WWTR1: variants seen among roughly 807,000 people sequenced by gnomAD.
WWTR1 encodes WW domain-containing transcription regulator protein 1.
In WWTR1, 13 loss-of-function variants were observed where a neutral mutation model predicts 40.1. That is an observed-to-expected ratio of 0.32 (90% CI 0.21 to 0.52). WWTR1 has a LOEUF of 0.52. Ranked by LOEUF, WWTR1 falls within the 20% of genes least tolerant of loss-of-function variation. The probability of loss-of-function intolerance (pLI) is 0.97; values close to 1 mark genes in which losing one functional copy is unlikely to be tolerated. For synonymous variants in WWTR1, 230 were observed against 210.1 expected (o/e 1.09, Z -0.82); for missense variants, 436 against 523.1 (o/e 0.83, Z 1.63).
chr3:149,572,478 T>C (rs1464414580), intron 3 of WWTR1, among the ~76,000 whole-genome samples: 1 of 152,034 alleles, frequency 6.6e-6, no homozygotes, highest in Non-Finnish European at 1.5e-5. Flanking sequence ...AGGTCAGAAC[T>C]GTAGTTTAAA....
chr3:149,520,846 A>T lies in WWTR1; in HGVS notation c.1162T>A (p.Ser388Thr). ...DLIPLFNDVE[S>T]ALNKSEPFLT... ...AAGGGCTCACTTTTGTTCAGAGCAG[A>T]CTCTACATCATTGAAGAGGGGGATC... is the stretch of plus-strand genomic sequence containing the variant. Residue 388 changes from serine to threonine, a missense_variant, in exon 7 of 7, where the codon TCT becomes ACT. Physicochemically the swap from Ser to Thr is moderately conservative, Grantham distance 58 (BLOSUM62 1). Transcript: ENST00000360632. 1.9e-6 allele frequency: 3 copies of T among 1,612,184 alleles called. No homozygotes were observed. Among genetic ancestry groups the T allele is most frequent in the Non-Finnish European group, 2.5e-6 (3 of 1,179,372 alleles).
intron 2 of WWTR1, among the ~76,000 whole-genome samples, chr3:149,605,260 A>G (rs1160103039): frequency 6.6e-6 from 1 of 152,214 alleles, no homozygotes; most frequent in Non-Finnish European, 1.5e-5. Flanking sequence ...CACTTTGGCC[A>G]CAGCATGAGA....
intron 2 of WWTR1, among the ~76,000 whole-genome samples, chr3:149,648,446 A>AAC (rs1056071141): frequency 1.2e-4 from 18 of 152,134 alleles, no homozygotes; most frequent in African/African-American, 4.1e-4. Context: ...AACAAAACAA[A>AAC]AAAAAAACAG....
At position 149,539,567 on chromosome 3, in the gene WWTR1, AGTT is replaced by A. The variant is rs202208267; in HGVS notation, c.771+2765_771+2767del. Reference sequence around the variant, plus strand: ...TCCACTGAGCAAGGGATATTCAGGCAGTTGTTGACTACCCAGGACATAGGGGTA... The same window carrying A: ...TCCACTGAGCAAGGGATATTCAGGCAGTTGACTACCCAGGACATAGGGGTA... On this transcript the variant is annotated intron_variant, in intron 4 of 6. Coordinates refer to ENST00000360632, the MANE Select transcript of WWTR1 (RefSeq NM_015472.6). Among the ~76,000 whole-genome samples, 1,469 of 152,322 alleles carry A rather than the reference AGTT, an allele frequency of 9.6e-3. 32 individuals carry two copies. The highest frequency in any genetic ancestry group is 0.034 in the African/African-American group (1,395 of 41,564).
intron 2 of WWTR1, among the ~76,000 whole-genome samples, chr3:149,607,189 C>T (rs140300437): frequency 1.3e-5 from 2 of 152,122 alleles, no homozygotes; most frequent in Non-Finnish European, 2.9e-5. Context: ...TTTTAGTATT[C>T]ATTGAATAAA....
upstream of WWTR1, chr3:149,658,425 G>C (rs892993503): frequency 6.6e-6 from 1 of 152,374 alleles, no homozygotes; most frequent in African/African-American, 2.4e-5. Flanking sequence ...GCCTAGGAAG[G>C]GCCGGTCCTG....
At chr3:149,675,491 A>T (rs979324395) in intron 1 of WWTR1, among the ~76,000 whole-genome samples, 1 of 152,184 alleles carries the variant, frequency 6.6e-6, no homozygotes, top group Admixed American at 6.5e-5. Flanking sequence ...GTCTTTGATC[A>T]TGTTTTTCAG....
chr3:149,560,211 G>A (rs781218628), intron 3 of WWTR1, among the ~76,000 whole-genome samples: 3 of 152,210 alleles, frequency 2.0e-5, no homozygotes, highest in Non-Finnish European at 4.4e-5. Flanking sequence ...TGCCTCAGGC[G>A]AAAGCCATCT....
intron 4 of WWTR1, among the ~76,000 whole-genome samples, chr3:149,532,967 C>T (rs754237668): frequency 6.6e-6 from 1 of 152,250 alleles, no homozygotes; most frequent in Admixed American, 6.5e-5. Flanking sequence ...AAGGCCTCTG[C>T]CGCTGAGCAT....
Position 149,519,818 on chromosome 3 carries a change from C to T in WWTR1, c.*987G>A, listed in dbSNP as rs1734957727. 1 of 152,170 alleles carries T rather than the reference C, an allele frequency of 6.6e-6. No individual in the cohort carries two copies. 9.4% of individuals were successfully genotyped at this position (152,170 alleles called of 1,614,324 possible). ...ATTAGCCGGACGTGGTGGCAGGTGC[C>T]TGTAATCCCAGCTACTCGGGAGGCT... On this transcript the variant is annotated 3_prime_UTR_variant, in exon 7 of 7. Transcript: ENST00000360632.
chr3:149,572,729 C>T (rs1017033707), intron 3 of WWTR1, 135 bp downstream of exon 3: 30 of 1,070,092 alleles, frequency 2.8e-5, no homozygotes, highest in Admixed American at 7.9e-5. Context: ...TGCCTGTTAT[C>T]GCAGCACTTT....
At chr3:149,680,768 G>A (rs1005304802) in intron 1 of WWTR1, among the ~76,000 whole-genome samples, 30 of 152,116 alleles carry the variant, frequency 2.0e-4, no homozygotes, top group African/African-American at 7.2e-4. Flanking sequence ...CTTGAGCCCA[G>A]GAGTTTGGGG....
chr3:149,614,044 G>A (rs1739856998), intron 2 of WWTR1, among the ~76,000 whole-genome samples: 1 of 152,164 alleles, frequency 6.6e-6, no homozygotes, highest in African/African-American at 2.4e-5. Context: ...TTCCAAATGT[G>A]TTCTTGCTTA....
chr3:149,529,278 T>C (rs1306502238), intron 4 of WWTR1, among the ~76,000 whole-genome samples: 1 of 152,208 alleles, frequency 6.6e-6, no homozygotes, highest in Admixed American at 6.5e-5. Context: ...TCGTTAGATC[T>C]CTTCCAGCCC....
At chr3:149,591,867 G>A (rs946676081) in intron 2 of WWTR1, among the ~76,000 whole-genome samples, 5 of 151,848 alleles carry the variant, frequency 3.3e-5, no homozygotes, top group African/African-American at 1.2e-4. Context: ...ATCATATGTT[G>A]CCAAATGTGA....
At chr3:149,575,599 G>A (rs766114856) in intron 2 of WWTR1, among the ~76,000 whole-genome samples, 2 of 152,176 alleles carry the variant, frequency 1.3e-5, no homozygotes, top group Non-Finnish European at 2.9e-5. Flanking sequence ...GCTGGAAGAT[G>A]TTCAAGGACA....
At chr3:149,552,557 AG>A (rs1326153120) in intron 3 of WWTR1, among the ~76,000 whole-genome samples, 1 of 152,210 alleles carries the variant, frequency 6.6e-6, no homozygotes, top group Non-Finnish European at 1.5e-5. Flanking sequence ...GAATATCCAA[AG>A]GGTACCACAT....
At chr3:149,684,626 C>T (rs926061354) in intron 1 of WWTR1, among the ~76,000 whole-genome samples, 17 of 151,250 alleles carry the variant, frequency 1.1e-4, no homozygotes, top group East Asian at 2.0e-4. Context: ...TGCCATGGGG[C>T]GATCCTGGCT....
chr3:149,578,370 A>G (rs1418109391), intron 2 of WWTR1, among the ~76,000 whole-genome samples: 1 of 152,112 alleles, frequency 6.6e-6, no homozygotes, highest in Non-Finnish European at 1.5e-5. Flanking sequence ...GAATATTATG[A>G]CCACCAAAGT....
Sources: gnomAD v4.1 joint callset for allele counts (sites outside exome capture counted in the v4.1 genomes callset) on GRCh38, gnomAD v4.1.1 for gene constraint, MANE v1.5 for transcripts, NCBI Gene and HGNC (gene_info 2026-07-23, HGNC 2026-07-21) for gene names.